The following UST variants were observed in gnomAD, a reference collection of about 807,000 sequenced individuals.
UST encodes the protein uronyl 2-sulfotransferase, also known as chondroitin sulfate 2-O-sulfotransferase.
Under a neutral mutation model 45.6 loss-of-function variants are expected in UST, and 21 were observed. The observed-to-expected ratio is 0.46, with a 90% CI of 0.33 to 0.66. UST has a LOEUF of 0.66. UST is among the 30% of genes least tolerant of loss of function. The probability of loss-of-function intolerance (pLI) is 0.02; values close to 1 mark genes in which losing one functional copy is unlikely to be tolerated. For synonymous variants in UST, 215 were observed against 200.6 expected (o/e 1.07, Z -0.61); for missense variants, 463 against 512.4 (o/e 0.90, Z 0.93).
chr6:148,981,626 G>A (rs978726899), intron 5 of UST, among the ~76,000 whole-genome samples: 1 of 152,162 alleles, frequency 6.6e-6, no homozygotes. Context: ...CACACACAGG[G>A]TCTGACACAT....
intron 1 of UST, among the ~76,000 whole-genome samples, chr6:148,854,957 T>G (rs911427168): frequency 6.6e-6 from 1 of 152,042 alleles, no homozygotes; most frequent in African/African-American, 2.4e-5. Context: ...TTAATGGACG[T>G]CGGGTTCCAC....
chr6:148,801,942 G>C (rs1486584810), intron 1 of UST, among the ~76,000 whole-genome samples: 1 of 152,136 alleles, frequency 6.6e-6, no homozygotes, highest in Non-Finnish European at 1.5e-5. Context: ...TTGTTTCTCT[G>C]GCTTTGCATG....
At chr6:148,950,587 A>C (rs1780345677) in intron 3 of UST, among the ~76,000 whole-genome samples, 1 of 152,074 alleles carries the variant, frequency 6.6e-6, no homozygotes, top group Non-Finnish European at 1.5e-5. Context: ...TGGCACACTG[A>C]ACTCCTGCAG....
rs1051578367 is a variant in UST at position 149,000,821 on chromosome 6, A to T, written c.682-18318A>T. On this transcript the variant is annotated intron_variant, in intron 5 of 7. Transcript: ENST00000367463. ...AATATGGTTATTGAAGTAAAAATTTAATAGATAAGTTCTAAGCTAAATAAA... is the reference window on the plus strand; with the variant it reads ...AATATGGTTATTGAAGTAAAAATTTTATAGATAAGTTCTAAGCTAAATAAA... 2.6e-5 allele frequency among the ~76,000 whole-genome samples: 4 copies of T among 152,368 alleles called. No individual in the cohort carries two copies. The East Asian group carries it at 7.7e-4, about 29-fold the overall frequency.
At chr6:148,828,774 CCTA>C (rs1429902155) in intron 1 of UST, among the ~76,000 whole-genome samples, 1 of 152,170 alleles carries the variant, frequency 6.6e-6, no homozygotes, top group Admixed American at 6.5e-5. Flanking sequence ...TTACTGACCA[CCTA>C]CTAAGTATCA....
At chr6:148,901,407 A>C (rs1354112502) in intron 2 of UST, among the ~76,000 whole-genome samples, 2 of 152,152 alleles carry the variant, frequency 1.3e-5, no homozygotes, top group African/African-American at 4.8e-5. Flanking sequence ...AATAGCTTAT[A>C]TAGCTCAGGG....
At chr6:148,857,263 A>G (rs949723375) in intron 1 of UST, among the ~76,000 whole-genome samples, 62 of 152,302 alleles carry the variant, frequency 4.1e-4, no homozygotes, top group Middle Eastern at 3.4e-3. Context: ...AGAGCCCCCT[A>G]AGCACACACA....
At chr6:148,799,812 CT>C (rs1777023608) in intron 1 of UST, among the ~76,000 whole-genome samples, 1 of 152,060 alleles carries the variant, frequency 6.6e-6, no homozygotes, top group African/African-American at 2.4e-5. Flanking sequence ...TGCTGGCATC[CT>C]TTTGATTGGT....
At chr6:148,804,214 C>T (rs894066964) in intron 1 of UST, among the ~76,000 whole-genome samples, 1 of 152,134 alleles carries the variant, frequency 6.6e-6, no homozygotes, top group Non-Finnish European at 1.5e-5. Flanking sequence ...ATGGAGTGGC[C>T]AATGTAGAAT....
intron 1 of UST, among the ~76,000 whole-genome samples, chr6:148,788,870 G>A (rs1182415320): frequency 2.0e-5 from 3 of 152,210 alleles, no homozygotes; most frequent in Non-Finnish European, 4.4e-5. Flanking sequence ...GAATGGTTGT[G>A]AGTGCCAGTT....
At chr6:148,870,118 A>ACACACACACACACACACACACACC in intron 1 of UST, among the ~76,000 whole-genome samples, 1 of 149,476 alleles carries the variant, frequency 6.7e-6, no homozygotes, top group African/African-American at 2.5e-5. Context: ...ACACACACAC[A>ACACACACACACACACACACACACC]CACACACACA....
chr6:148,951,794 T>C (rs186145112), intron 3 of UST, among the ~76,000 whole-genome samples: 86 of 152,322 alleles, frequency 5.6e-4, no homozygotes, highest in Admixed American at 2.4e-3. Context: ...CGAGCATTAG[T>C]ACCTTGATTC....
At chr6:148,820,792 G>T (rs1259881226) in intron 1 of UST, among the ~76,000 whole-genome samples, 16 of 148,500 alleles carry the variant, frequency 1.1e-4, no homozygotes, top group Admixed American at 1.1e-3. Context: ...GGTGGAGCTT[G>T]CAGTGAGCTG....
intron 2 of UST, among the ~76,000 whole-genome samples, chr6:148,924,690 C>T (rs1464468411): frequency 3.3e-5 from 5 of 152,160 alleles, no homozygotes; most frequent in African/African-American, 1.2e-4. Flanking sequence ...GGCTGGACTT[C>T]CCAGGAACAC....
chr6:148,747,627 A>C lies in UST; in HGVS notation c.197A>C (p.Gln66Pro). 6.2e-7 allele frequency: 1 copy of C among 1,601,546 alleles called. No homozygotes were observed. The highest frequency in any genetic ancestry group is 8.5e-7 in the Non-Finnish European group (1 of 1,175,428). The change falls in exon 1 of 8, where the codon CAG becomes CCG. Residue 66 changes from glutamine to proline, a missense_variant. Gln to Pro is a moderately conservative substitution (Grantham distance 76). Coordinates refer to ENST00000367463, the MANE Select transcript of UST (RefSeq NM_005715.3). ...LVFCLGSLLY[Q>P]LSGGPPRFLL... ...TTCTGCCTGGGCTCCCTCCTCTATC[A>C]GCTCAGCGGGGGACCCCCTCGCTTC... is the stretch of plus-strand genomic sequence containing the variant.
At chr6:148,936,977 G>C (rs1418170886) in intron 2 of UST, among the ~76,000 whole-genome samples, 10 of 152,300 alleles carry the variant, frequency 6.6e-5, no homozygotes, top group Non-Finnish European at 1.5e-5. Context: ...TTACAGGTAT[G>C]AGCCACCATG....
rs779438405 is a variant in UST at position 148,907,931 on chromosome 6, CAG to C, written c.291+20905_291+20906del. 9.3e-3 allele frequency among the ~76,000 whole-genome samples: 750 copies of C among 80,414 alleles called. 9 individuals are homozygous for C. The highest frequency in any genetic ancestry group is 0.034 in the African/African-American group (698 of 20,320). The allele number at this position is 80,414 out of a possible 152,430, so 52.8% of individuals were successfully genotyped here. On this transcript the variant is annotated intron_variant, in intron 2 of 7. Coordinates refer to ENST00000367463, the MANE Select transcript of UST (RefSeq NM_005715.3). The stretch of plus-strand genomic sequence containing the variant: ...TTTTTTTTTTTTTTTTTTTTTTTGA[CAG>C]AGTCTTGCTCTGTCACCCAGCCTTG...
intron 5 of UST, among the ~76,000 whole-genome samples, chr6:148,984,236 G>A (rs1781195502): frequency 6.6e-6 from 1 of 152,182 alleles, no homozygotes; most frequent in African/African-American, 2.4e-5. Flanking sequence ...GAAAAACACA[G>A]ATGTGGTTCT....
At chr6:149,041,505 C>A (rs1776314223) in intron 7 of UST, among the ~76,000 whole-genome samples, 1 of 152,224 alleles carries the variant, frequency 6.6e-6, no homozygotes, top group African/African-American at 2.4e-5. Flanking sequence ...ATGCCCCTTG[C>A]TCTTCTGGAG....
Sources: allele counts gnomAD v4.1 joint callset (sites outside exome capture counted in the v4.1 genomes callset), GRCh38; gene constraint gnomAD v4.1.1; transcripts MANE v1.5; gene names NCBI Gene and HGNC (gene_info 2026-07-23, HGNC 2026-07-21).